Variants in PHLPP1 observed in about 807,000 individuals in gnomAD.
PHLPP1 encodes the protein PH domain leucine-rich repeat-containing protein phosphatase 1.
A neutral mutation model predicts 117.2 loss-of-function variants in PHLPP1; 42 were observed. The observed-to-expected ratio is 0.36, with a 90% CI of 0.28 to 0.46. The LOEUF (loss-of-function observed/expected upper bound fraction) is 0.46. Among genes scored for constraint, PHLPP1 ranks in the 20% least tolerant of loss-of-function variants. The probability of loss-of-function intolerance (pLI) is 1.00; values close to 1 mark genes in which losing one functional copy is unlikely to be tolerated. For synonymous variants in PHLPP1, 1,042 were observed against 970.7 expected (o/e 1.07, Z -1.37); for missense variants, 2,084 against 2,241.9 (o/e 0.93, Z 1.42).
At chr18:62,769,655 T>C (rs766019866) in intron 1 of PHLPP1, among the ~76,000 whole-genome samples, 3 of 152,228 alleles carry the variant, frequency 2.0e-5, no homozygotes, top group Non-Finnish European at 4.4e-5. Flanking sequence ...TTACAAATAA[T>C]GTACAGAACA....
intron 4 of PHLPP1, among the ~76,000 whole-genome samples, chr18:62,881,583 T>A (rs2030378528): frequency 6.6e-6 from 1 of 152,216 alleles, no homozygotes; most frequent in Non-Finnish European, 1.5e-5. Flanking sequence ...GCATTTATGG[T>A]GACTAGGATT....
chr18:62,856,002 A>G (rs776156444), intron 3 of PHLPP1, among the ~76,000 whole-genome samples: 1 of 152,200 alleles, frequency 6.6e-6, no homozygotes, highest in Non-Finnish European at 1.5e-5. Flanking sequence ...CTTACAATCT[A>G]GAGACAAAGA....
chr18:62,889,751 T>C (rs1178542163), intron 4 of PHLPP1: 2 of 152,234 alleles, frequency 1.3e-5, no homozygotes, highest in African/African-American at 4.8e-5. Context: ...ACTCTTAGTA[T>C]GGAGAAGGCA....
chr18:62,850,073 ATT>A (rs550738658), intron 3 of PHLPP1, among the ~76,000 whole-genome samples: 75 of 135,172 alleles, frequency 5.5e-4, no homozygotes, highest in East Asian at 8.6e-4. Flanking sequence ...TTAAACATCA[ATT>A]TTTTTTTTTT....
chr18:62,885,238 TTTTTG>T (rs1456478741), intron 4 of PHLPP1, among the ~76,000 whole-genome samples: 1 of 152,240 alleles, frequency 6.6e-6, no homozygotes, highest in East Asian at 1.9e-4. Context: ...AACATTGGCT[TTTTTG>T]TTTTCTTTCC....
chr18:62,875,796 G>A (rs1396634755), intron 4 of PHLPP1, among the ~76,000 whole-genome samples: 1 of 151,720 alleles, frequency 6.6e-6, no homozygotes, highest in Admixed American at 6.6e-5. Context: ...GCAGTGACAC[G>A]ATTTCAGCTC....
chr18:62,801,375 A>T (rs1913778158), intron 1 of PHLPP1, among the ~76,000 whole-genome samples: 1 of 151,154 alleles, frequency 6.6e-6, no homozygotes, highest in Non-Finnish European at 1.5e-5. Context: ...TGAGTAATTA[A>T]TTTTTAATTG....
chr18:62,808,324 T>C (rs972327569), intron 1 of PHLPP1, among the ~76,000 whole-genome samples: 1 of 150,196 alleles, frequency 6.7e-6, no homozygotes, highest in African/African-American at 2.5e-5. Context: ...AATTGGGAAG[T>C]TGACAGTATG....
intron 14 of PHLPP1, among the ~76,000 whole-genome samples, chr18:62,967,584 C>G (rs1005433379): frequency 1.1e-4 from 17 of 151,220 alleles, no homozygotes; most frequent in African/African-American, 4.1e-4. Context: ...TTGTAGACAC[C>G]CTTTATCAAG....
At position 62,979,340 on chromosome 18, in the gene PHLPP1, A is replaced by G; in HGVS notation, c.5063A>G (p.Gln1688Arg). 3 of 1,550,254 alleles carry G rather than the reference A, an allele frequency of 1.9e-6. No individual in the cohort carries two copies. Among genetic ancestry groups the G allele is most frequent in the Non-Finnish European group, 2.6e-6 (3 of 1,145,414 alleles). Residue 1688 changes from glutamine to arginine, a missense_variant, in exon 17 of 17, where the codon CAG (glutamine) becomes CGG (arginine). Around this residue, in one of 2 missense-constraint regions of PHLPP1, gnomAD observed 1,365 missense variants for 1,605.9 expected, o/e 0.85. Transcript: ENST00000262719. ...MKHHQEQQQQ[Q>R]QPPPPPQLQP... ...CATCACCAGGAGCAACAGCAGCAGCAGCAGCCGCCACCACCCCCTCAGCTC... is the reference window on the plus strand; with the variant it reads ...CATCACCAGGAGCAACAGCAGCAGCGGCAGCCGCCACCACCCCCTCAGCTC...
chr18:62,744,441 G>C (rs961170388), intron 1 of PHLPP1, among the ~76,000 whole-genome samples: 2 of 152,264 alleles, frequency 1.3e-5, no homozygotes, highest in Admixed American at 1.3e-4. Flanking sequence ...TGTTTATTCA[G>C]AGAGTGGTCA....
intron 12 of PHLPP1, among the ~76,000 whole-genome samples, chr18:62,950,565 A>T (rs1910422213): frequency 6.6e-6 from 1 of 152,184 alleles, no homozygotes; most frequent in South Asian, 2.1e-4. Flanking sequence ...GGTAGAATGG[A>T]TGGAAGAAAG....
intron 1 of PHLPP1, among the ~76,000 whole-genome samples, chr18:62,773,940 A>C (rs1912873790): frequency 6.6e-6 from 1 of 152,196 alleles, no homozygotes; most frequent in Non-Finnish European, 1.5e-5. Context: ...AAGGCAAGGC[A>C]GCTCTCTGGG....
At chr18:62,730,619 C>T (rs1486802319) in intron 1 of PHLPP1, among the ~76,000 whole-genome samples, 4 of 151,922 alleles carry the variant, frequency 2.6e-5, no homozygotes, top group South Asian at 2.1e-4. Flanking sequence ...GTCAGGAGTT[C>T]GAGACCAGTC....
intron 1 of PHLPP1, among the ~76,000 whole-genome samples, chr18:62,721,182 G>A (rs185280545): frequency 6.6e-6 from 1 of 152,122 alleles, no homozygotes; most frequent in Admixed American, 6.5e-5. Flanking sequence ...TGTTTATCAT[G>A]GTGCCTTTAA....
At chr18:62,833,834 C>T (rs1914818718) in intron 2 of PHLPP1, among the ~76,000 whole-genome samples, 1 of 152,134 alleles carries the variant, frequency 6.6e-6, no homozygotes, top group South Asian at 2.1e-4. Flanking sequence ...GTTATAATAA[C>T]AACAGTGCTG....
At chr18:62,976,603 AC>A (rs1911194385) in intron 16 of PHLPP1, among the ~76,000 whole-genome samples, 1 of 152,188 alleles carries the variant, frequency 6.6e-6, no homozygotes, top group Non-Finnish European at 1.5e-5. Context: ...CACAGTGTCT[AC>A]CATCCATGTG....
At chr18:62,884,239 A>AG (rs1008034079) in intron 4 of PHLPP1, among the ~76,000 whole-genome samples, 1 of 152,162 alleles carries the variant, frequency 6.6e-6, no homozygotes, top group Admixed American at 6.5e-5. Context: ...AAAAATGTGG[A>AG]GGGGGCTATC....
intron 12 of PHLPP1, among the ~76,000 whole-genome samples, chr18:62,958,137 G>A (rs1910671557): frequency 6.6e-6 from 1 of 152,064 alleles, no homozygotes; most frequent in South Asian, 2.1e-4. Context: ...GGCCAGGCTG[G>A]TCTCAAACCC....
Sources: gnomAD v4.1 joint callset for allele counts (sites outside exome capture counted in the v4.1 genomes callset) on GRCh38, gnomAD v4.1.1 for gene constraint, gnomAD v4.1.1 regional missense constraint, MANE v1.5 for transcripts, NCBI Gene and HGNC (gene_info 2026-07-23, HGNC 2026-07-21) for gene names.